Variants in ARHGEF3 observed in about 807,000 individuals in gnomAD.
The protein encoded by ARHGEF3 is 59.8 kDA protein.
A neutral mutation model predicts 63.2 loss-of-function variants in ARHGEF3; 28 were observed. The ratio of observed to expected loss-of-function variants is 0.44; its 90% confidence interval spans 0.33 to 0.61. The LOEUF (loss-of-function observed/expected upper bound fraction) is 0.61, where lower values mean the gene tolerates loss of function less well. Among genes scored for constraint, ARHGEF3 ranks in the 20% least tolerant of loss-of-function variants. ARHGEF3 has a pLI of 0.03. For synonymous variants in ARHGEF3, 266 were observed against 254.2 expected (o/e 1.05, Z -0.44); for missense variants, 533 against 659.3 (o/e 0.81, Z 2.10).
chr3:56,948,427 TA>T (rs1326315516), intron 3 of ARHGEF3, among the ~76,000 whole-genome samples: 1 of 151,988 alleles, frequency 6.6e-6, no homozygotes. Flanking sequence ...ATAGGTGCAA[TA>T]AAAAATGATA....
intron 1 of ARHGEF3, among the ~76,000 whole-genome samples, chr3:56,796,665 T>C (rs1446378179): frequency 6.6e-6 from 1 of 152,170 alleles, no homozygotes. Context: ...GGTGGGTTCA[T>C]CCTTCACGTG....
At chr3:56,935,738 A>G (rs1413112328) in intron 3 of ARHGEF3, among the ~76,000 whole-genome samples, 1 of 152,076 alleles carries the variant, frequency 6.6e-6, no homozygotes. Context: ...CAAACTCCAC[A>G]CGCGCCACCT....
intron 2 of ARHGEF3, among the ~76,000 whole-genome samples, chr3:56,973,660 A>T (rs892553811): frequency 6.6e-6 from 1 of 152,146 alleles, no homozygotes; most frequent in Non-Finnish European, 1.5e-5. Context: ...TGCTTCAAAG[A>T]GGGAGACTCT....
chr3:57,010,420 C>T lies in ARHGEF3; in HGVS notation c.62+24668G>A, dbSNP rs560849372. Among the ~76,000 whole-genome samples, 5 of 147,284 alleles carry T rather than the reference C, an allele frequency of 3.4e-5. 1 individual carries two copies. In the South Asian group the frequency reaches 8.7e-4, roughly 26 times the overall value. ...GCAGTGAGCCGAGATCGCACCACTG[C>T]ACTCCAGCCTGGGTGACAGAACGAG... On this transcript the variant is annotated intron_variant, in intron 2 of 12. Coordinates refer to the ARHGEF3 transcript ENST00000338458.
intron 3 of ARHGEF3, among the ~76,000 whole-genome samples, chr3:56,894,098 C>T (rs529194874): frequency 1.3e-5 from 2 of 152,052 alleles, no homozygotes; most frequent in African/African-American, 2.4e-5. Flanking sequence ...CCAGAAATGC[C>T]GGAGAATTAA....
chr3:56,904,759 C>T (rs909949376), intron 3 of ARHGEF3, among the ~76,000 whole-genome samples: 17 of 152,252 alleles, frequency 1.1e-4, no homozygotes, highest in African/African-American at 4.1e-4. Context: ...GCCTTGGGGA[C>T]TCCTAGGGCT....
chr3:56,943,757 A>C (rs921382956), intron 3 of ARHGEF3, among the ~76,000 whole-genome samples: 1 of 152,118 alleles, frequency 6.6e-6, no homozygotes, highest in Non-Finnish European at 1.5e-5. Context: ...TCTACTAAAA[A>C]TACAAACATT....
intron 1 of ARHGEF3, among the ~76,000 whole-genome samples, chr3:57,045,538 A>G (rs1704416593): frequency 6.6e-6 from 1 of 152,196 alleles, no homozygotes; most frequent in Admixed American, 6.5e-5. Context: ...CCTCCTCACC[A>G]CAAGCAATGG....
chr3:56,756,186 G>C (rs1578423085), intron 2 of ARHGEF3, among the ~76,000 whole-genome samples: 1 of 152,168 alleles, frequency 6.6e-6, no homozygotes, highest in Admixed American at 6.5e-5. Flanking sequence ...AAAGCTGAGT[G>C]CATCATTTTC....
intron 2 of ARHGEF3, among the ~76,000 whole-genome samples, chr3:56,964,596 C>T (rs1044303523): frequency 1.3e-5 from 2 of 152,162 alleles, no homozygotes; most frequent in African/African-American, 4.8e-5. Context: ...CAGCAGTGGA[C>T]AAGAAATTCA....
intron 4 of ARHGEF3, among the ~76,000 whole-genome samples, chr3:56,837,101 A>G (rs781246734): frequency 6.6e-6 from 1 of 152,202 alleles, no homozygotes; most frequent in African/African-American, 2.4e-5. Flanking sequence ...TTGATAATCA[A>G]ATGGTTTCCT....
chr3:56,966,298 G>T (rs1700492291), intron 2 of ARHGEF3, among the ~76,000 whole-genome samples: 1 of 152,182 alleles, frequency 6.6e-6, no homozygotes, highest in South Asian at 2.1e-4. Flanking sequence ...TACAGAATTA[G>T]GTCTGTATAT....
chr3:56,873,730 C>T (rs2040503807), intron 4 of ARHGEF3, among the ~76,000 whole-genome samples: 1 of 152,208 alleles, frequency 6.6e-6, no homozygotes, highest in East Asian at 1.9e-4. Flanking sequence ...CATTTTTAGC[C>T]TTACAACTTT....
chr3:56,987,547 G>A (rs989702193), intron 2 of ARHGEF3, among the ~76,000 whole-genome samples: 3 of 152,152 alleles, frequency 2.0e-5, no homozygotes, highest in Non-Finnish European at 4.4e-5. Flanking sequence ...CTCTGGGGAC[G>A]GGGTGATGAA....
chr3:56,985,078 G>T (rs5020497), intron 2 of ARHGEF3, among the ~76,000 whole-genome samples: 1 of 152,078 alleles, frequency 6.6e-6, no homozygotes, highest in Non-Finnish European at 1.5e-5. Context: ...TCTTCTAACA[G>T]AAACACATGA....
intron 1 of ARHGEF3, among the ~76,000 whole-genome samples, chr3:57,072,941 G>T (rs1706005943): frequency 1.3e-5 from 2 of 152,160 alleles, no homozygotes; most frequent in African/African-American, 4.8e-5. Context: ...AGCTACTCGG[G>T]AGGCTGAAGC....
chr3:57,024,988 C>T (rs1461131340), intron 2 of ARHGEF3, among the ~76,000 whole-genome samples: 1 of 152,168 alleles, frequency 6.6e-6, no homozygotes, highest in Admixed American at 6.5e-5. Context: ...AATGCTGCAC[C>T]TGGACTCCAC....
intron 1 of ARHGEF3, among the ~76,000 whole-genome samples, chr3:56,798,861 T>C (rs2037502107): frequency 6.6e-6 from 1 of 152,226 alleles, no homozygotes; most frequent in South Asian, 2.1e-4. Flanking sequence ...AATTAATGAT[T>C]ACAGCCAGCA....
intron 3 of ARHGEF3, among the ~76,000 whole-genome samples, chr3:56,922,120 C>T (rs1383502836): frequency 3.9e-5 from 6 of 152,088 alleles, no homozygotes; most frequent in East Asian, 1.9e-4. Context: ...AAGCAGCCAC[C>T]GGCCTGGCCG....
Sources: gnomAD v4.1 joint callset for allele counts (sites outside exome capture counted in the v4.1 genomes callset) on GRCh38, gnomAD v4.1.1 for gene constraint, MANE v1.5 for transcripts, NCBI Gene and HGNC (gene_info 2026-07-23, HGNC 2026-07-21) for gene names.